DLGAP1: variants seen among roughly 807,000 people sequenced by gnomAD.
DLGAP1 encodes DLG associated protein 1.
In DLGAP1, 11 loss-of-function variants were observed where a neutral mutation model predicts 90.8. The observed-to-expected ratio is 0.12, with a 90% CI of 0.08 to 0.20. The LOEUF is 0.20. Ranked by LOEUF, DLGAP1 falls within the 10% of genes least tolerant of loss-of-function variation. The pLI is 1.00. For missense variants in DLGAP1, 1,050 were observed against 1,333.8 expected (o/e 0.79, Z 3.31); for synonymous variants, 558 against 540.7 (o/e 1.03, Z -0.44).
At chr18:3,861,269 A>C (rs16945518) in intron 4 of DLGAP1, among the ~76,000 whole-genome samples, 20,462 of 152,206 alleles carry the variant, frequency 0.13, 1,450 homozygotes, top group South Asian at 0.24. Context: ...ATCCACAATA[A>C]TAATTCTTTA....
At chr18:4,373,321 G>C (rs928353108) in intron 1 of DLGAP1, among the ~76,000 whole-genome samples, 2 of 152,144 alleles carry the variant, frequency 1.3e-5, no homozygotes, top group African/African-American at 4.8e-5. Context: ...AGATTCAGGA[G>C]ATATTAAAGA....
At position 3,499,909 on chromosome 18, in the gene DLGAP1, GGAA is replaced by G. The variant is rs1335187660; in HGVS notation, c.2725-518_2725-516del. Among the ~76,000 whole-genome samples, 1 of 152,190 alleles carries G rather than the reference GGAA, an allele frequency of 6.6e-6. No individual in the cohort carries two copies. Among genetic ancestry groups the G allele is most frequent in the Non-Finnish European group, 1.5e-5 (1 of 68,040 alleles). On this transcript the variant is annotated intron_variant, in intron 12 of 12. Transcript: ENST00000315677. The surrounding 1 kb of genome is among the most constrained non-coding windows in gnomAD (Gnocchi z 6.4). ...CCACCAAACCTAAATAAACAGAGGAGGAAGAAGAGATATCAGATTGTGTTCTTT... is the reference window on the plus strand; with the variant it reads ...CCACCAAACCTAAATAAACAGAGGAGGAAGAGATATCAGATTGTGTTCTTT...
At chr18:4,197,737 G>A (rs1202768207) in intron 1 of DLGAP1, among the ~76,000 whole-genome samples, 1 of 152,152 alleles carries the variant, frequency 6.6e-6, no homozygotes, top group Admixed American at 6.5e-5. Context: ...TCCAAAAGAG[G>A]TTAGGATGCA....
At chr18:3,927,091 G>C (rs2072408795) in intron 3 of DLGAP1, among the ~76,000 whole-genome samples, 1 of 152,104 alleles carries the variant, frequency 6.6e-6, no homozygotes, top group Non-Finnish European at 1.5e-5. Flanking sequence ...GAGAAAAAGA[G>C]AGCTCTTCCT....
At chr18:4,268,320 A>G (rs781718146) in intron 1 of DLGAP1, among the ~76,000 whole-genome samples, 1 of 152,248 alleles carries the variant, frequency 6.6e-6, no homozygotes, top group Admixed American at 6.5e-5. Flanking sequence ...AGGAATAAAC[A>G]GTATTTTTTA....
At chr18:3,741,845 TTC>T (rs539702688) in intron 6 of DLGAP1, among the ~76,000 whole-genome samples, 7,653 of 151,082 alleles carry the variant, frequency 0.051, 639 homozygotes, top group African/African-American at 0.18. Flanking sequence ...CTTTTTCTTT[TTC>T]TTTTTTTTTA....
chr18:3,634,325 A>G (rs1249639068), intron 7 of DLGAP1, among the ~76,000 whole-genome samples: 3 of 152,086 alleles, frequency 2.0e-5, no homozygotes, highest in African/African-American at 7.2e-5. Context: ...TTTATAATCT[A>G]CTCCAAAGAA....
At chr18:4,079,993 T>C (rs1463465980) in intron 2 of DLGAP1, among the ~76,000 whole-genome samples, 1 of 151,960 alleles carries the variant, frequency 6.6e-6, no homozygotes, top group Non-Finnish European at 1.5e-5. Flanking sequence ...GGTGTGGCTG[T>C]CTAACTTTAA....
At chr18:4,014,818 C>T (rs185038879) in intron 2 of DLGAP1, among the ~76,000 whole-genome samples, 45 of 152,272 alleles carry the variant, frequency 3.0e-4, no homozygotes, top group Admixed American at 2.0e-3. Context: ...GTAGACACTG[C>T]GGAAGTATTT....
chr18:3,557,071 G>A (rs1437618628), intron 9 of DLGAP1, among the ~76,000 whole-genome samples: 1 of 151,950 alleles, frequency 6.6e-6, no homozygotes, highest in Admixed American at 6.6e-5. Flanking sequence ...TTCTTTTATT[G>A]TGTTTATTTT....
At chr18:3,662,556 C>T (rs1297916579) in intron 7 of DLGAP1, among the ~76,000 whole-genome samples, 1 of 152,112 alleles carries the variant, frequency 6.6e-6, no homozygotes, top group Non-Finnish European at 1.5e-5. Flanking sequence ...AGGTAAAGTG[C>T]AAAGAGTCCT....
chr18:3,529,612 T>G (rs540591058), intron 10 of DLGAP1, among the ~76,000 whole-genome samples: 5 of 152,254 alleles, frequency 3.3e-5, no homozygotes, highest in African/African-American at 1.2e-4. Flanking sequence ...TGAAGATGAG[T>G]AAGACAAGAA....
At chr18:4,163,284 A>T (rs775123006) in intron 1 of DLGAP1, among the ~76,000 whole-genome samples, 2 of 152,216 alleles carry the variant, frequency 1.3e-5, no homozygotes, top group Non-Finnish European at 2.9e-5. Context: ...GGGCAATTAT[A>T]CACAACTTTA....
At chr18:4,407,712 C>G (rs1769917156) in intron 1 of DLGAP1, among the ~76,000 whole-genome samples, 3 of 152,010 alleles carry the variant, frequency 2.0e-5, no homozygotes. Flanking sequence ...TACCCAGTCT[C>G]TACTAAAAAC....
At position 3,803,095 on chromosome 18, in the gene DLGAP1, A is replaced by G; in HGVS notation, c.1172+10964T>C. Among the ~76,000 whole-genome samples the G allele has an allele frequency of 1.3e-5, 2 of 152,070 alleles. 1 individual carries two copies. The highest frequency in any genetic ancestry group is 2.9e-5 in the Non-Finnish European group (2 of 68,012). ...GAGCGTGTCGATTTCCATGGTGTAA[A>G]TATTTCCATCACGGCCAATATCAGG... On this transcript the variant is annotated intron_variant, in intron 5 of 12. Transcript: ENST00000315677.
intron 1 of DLGAP1, among the ~76,000 whole-genome samples, chr18:4,214,087 G>A (rs1024730688): frequency 6.6e-6 from 1 of 152,076 alleles, no homozygotes; most frequent in Non-Finnish European, 1.5e-5. Context: ...CCAAGATGCC[G>A]AAACTCATCA....
At chr18:4,421,496 A>T (rs2083029383) in intron 1 of DLGAP1, among the ~76,000 whole-genome samples, 1 of 152,136 alleles carries the variant, frequency 6.6e-6, no homozygotes, top group African/African-American at 2.4e-5. Context: ...TTAGGACATG[A>T]ACATGTCTTT....
intron 3 of DLGAP1, among the ~76,000 whole-genome samples, chr18:3,916,802 A>G (rs2072154924): frequency 6.6e-6 from 1 of 152,072 alleles, no homozygotes; most frequent in Non-Finnish European, 1.5e-5. Flanking sequence ...TGTAGCAGGG[A>G]TGTGCATGGA....
intron 3 of DLGAP1, among the ~76,000 whole-genome samples, chr18:3,883,745 G>T (rs1016641912): frequency 3.9e-5 from 6 of 152,240 alleles, no homozygotes; most frequent in East Asian, 3.8e-4. Flanking sequence ...ATGCCCAATA[G>T]TTGGGGGGAC....
Sources: allele counts gnomAD v4.1 joint callset (sites outside exome capture counted in the v4.1 genomes callset), GRCh38; gene constraint gnomAD v4.1.1; non-coding constraint Gnocchi (gnomAD v3.1); transcripts MANE v1.5; gene names NCBI Gene and HGNC (gene_info 2026-07-23, HGNC 2026-07-21).